Variants in TESC observed in about 807,000 individuals in gnomAD.
The protein encoded by TESC is calcineurin B homologous protein 3.
TESC carries 19 observed loss-of-function variants against 31.0 expected under a neutral mutation model. The ratio of observed to expected loss-of-function variants is 0.61; its 90% confidence interval spans 0.43 to 0.90. The LOEUF (loss-of-function observed/expected upper bound fraction) is 0.90. TESC is among the 40% of genes least tolerant of loss of function. The probability of loss-of-function intolerance (pLI) is 0.00; values close to 1 mark genes in which losing one functional copy is unlikely to be tolerated. For synonymous variants in TESC, 109 were observed against 114.8 expected (o/e 0.95, Z 0.32); for missense variants, 248 against 303.8 (o/e 0.82, Z 1.36).
At chr12:117,075,903 ATATATATATATG>A (rs1371922571) in intron 1 of TESC, among the ~76,000 whole-genome samples, 30 of 82,750 alleles carry the variant, frequency 3.6e-4, no homozygotes, top group African/African-American at 1.2e-3. Flanking sequence ...ATATATATAT[ATATATATATATG>A]TGTGTGTGTA....
intron 2 of TESC, among the ~76,000 whole-genome samples, chr12:117,064,246 G>A (rs1441162236): frequency 6.6e-6 from 1 of 152,184 alleles, no homozygotes; most frequent in Non-Finnish European, 1.5e-5. Flanking sequence ...ATGAATGCGT[G>A]AGAACTGCTG....
chr12:117,066,010 A>G (rs1436446723), intron 2 of TESC, among the ~76,000 whole-genome samples: 1 of 151,836 alleles, frequency 6.6e-6, no homozygotes, highest in Non-Finnish European at 1.5e-5. Flanking sequence ...CAACTCTCCA[A>G]TTCTCCTCAT....
chr12:117,089,515 G>T (rs1353257070), intron 1 of TESC, among the ~76,000 whole-genome samples: 1 of 152,144 alleles, frequency 6.6e-6, no homozygotes, highest in East Asian at 1.9e-4. Flanking sequence ...TATATAGTAG[G>T]CTTTAAATTA....
chr12:117,097,641 G>A (rs1955413183), intron 1 of TESC, among the ~76,000 whole-genome samples: 1 of 152,138 alleles, frequency 6.6e-6, no homozygotes, highest in Non-Finnish European at 1.5e-5. Context: ...GGATTGAAGT[G>A]CATAAAACTT....
At chr12:117,051,952 T>C (rs922863529) in intron 3 of TESC, among the ~76,000 whole-genome samples, 1 of 152,218 alleles carries the variant, frequency 6.6e-6, no homozygotes. Flanking sequence ...ATTTATTTAT[T>C]TTTTAAGAGA....
intron 1 of TESC, among the ~76,000 whole-genome samples, chr12:117,093,224 T>C (rs764029295): frequency 2.6e-5 from 4 of 152,198 alleles, no homozygotes; most frequent in Admixed American, 6.5e-5. Flanking sequence ...GGTAGCAGAA[T>C]ATGGCAATTG....
At chr12:117,098,984 C>G (rs1398521913) in intron 1 of TESC, among the ~76,000 whole-genome samples, 1 of 152,156 alleles carries the variant, frequency 6.6e-6, no homozygotes, top group Non-Finnish European at 1.5e-5. Context: ...GTCCCCCGGC[C>G]AGGGAGTTCC....
chr12:117,080,042 G>GT (rs1305791483), intron 1 of TESC, among the ~76,000 whole-genome samples: 4 of 152,162 alleles, frequency 2.6e-5, no homozygotes, highest in African/African-American at 7.2e-5. Flanking sequence ...GTTCTGTTAG[G>GT]TAGGTATGAT....
At chr12:117,080,459 A>C (rs2135791564) in intron 1 of TESC, among the ~76,000 whole-genome samples, 1 of 152,256 alleles carries the variant, frequency 6.6e-6, no homozygotes, top group South Asian at 2.1e-4. Flanking sequence ...TGGAAAAAAA[A>C]AGAACATGCA....
intron 3 of TESC, among the ~76,000 whole-genome samples, chr12:117,049,420 T>C (rs1954615445): frequency 6.6e-6 from 1 of 152,218 alleles, no homozygotes; most frequent in Non-Finnish European, 1.5e-5. Context: ...TGACCGTTGA[T>C]TCAGGCGGTG....
chr12:117,097,330 A>G (rs748497365), intron 1 of TESC, among the ~76,000 whole-genome samples: 3 of 152,186 alleles, frequency 2.0e-5, no homozygotes, highest in Non-Finnish European at 4.4e-5. Flanking sequence ...GAGCAGGAAC[A>G]CAGCATCTGT....
chr12:117,078,182 T>C (rs111617796), intron 1 of TESC, among the ~76,000 whole-genome samples: 181 of 152,186 alleles, frequency 1.2e-3, no homozygotes, highest in African/African-American at 4.1e-3. Context: ...CAAAAGCAGA[T>C]TGGGGCCGGG....
chr12:117,075,451 T>A, intron 1 of TESC, 111 bp from the exon 2 acceptor site: 1 of 1,055,028 alleles, frequency 9.5e-7, no homozygotes, highest in Non-Finnish European at 1.4e-6. Context: ...CCACACCCCT[T>A]CTCAAAGCAT....
At chr12:117,076,788 G>A (rs977124681) in intron 1 of TESC, among the ~76,000 whole-genome samples, 24 of 152,132 alleles carry the variant, frequency 1.6e-4, no homozygotes, top group African/African-American at 5.3e-4. Context: ...CAGAGAGCAC[G>A]TAAGATCCCA....
At chr12:117,086,453 G>T (rs1955220616) in intron 1 of TESC, among the ~76,000 whole-genome samples, 1 of 151,804 alleles carries the variant, frequency 6.6e-6, no homozygotes, top group Non-Finnish European at 1.5e-5. Flanking sequence ...TTGAGACAGG[G>T]TCTCTCGCTC....
chr12:117,060,250 A>G (rs966392830), intron 2 of TESC, among the ~76,000 whole-genome samples: 1 of 152,236 alleles, frequency 6.6e-6, no homozygotes, highest in Non-Finnish European at 1.5e-5. Flanking sequence ...TGTAAAGAAC[A>G]GAAAGTGACA....
chr12:117,039,425 C>T (rs895796137), intron 7 of TESC, among the ~76,000 whole-genome samples: 2 of 152,212 alleles, frequency 1.3e-5, no homozygotes, highest in Admixed American at 1.3e-4. Flanking sequence ...TTGGCTCTGA[C>T]ATTTGGATTC....
intron 1 of TESC, among the ~76,000 whole-genome samples, chr12:117,085,981 G>A (rs1053878669): frequency 9.2e-5 from 14 of 152,264 alleles, no homozygotes; most frequent in Admixed American, 3.9e-4. Context: ...ATGTTATAAA[G>A]CAATACAAAA....
intron 2 of TESC, among the ~76,000 whole-genome samples, chr12:117,060,801 A>G (rs1954791704): frequency 6.6e-6 from 1 of 152,176 alleles, no homozygotes; most frequent in Non-Finnish European, 1.5e-5. Context: ...CCATCCGAAT[A>G]GAATCCATTT....
Sources: gnomAD v4.1 joint callset for allele counts (sites outside exome capture counted in the v4.1 genomes callset) on GRCh38, gnomAD v4.1.1 for gene constraint, MANE v1.5 for transcripts, NCBI Gene and HGNC (gene_info 2026-07-23, HGNC 2026-07-21) for gene names.